The following UPF3A variants were observed in gnomAD, a reference collection of about 807,000 sequenced individuals.
UPF3A encodes regulator of nonsense transcripts 3A.
UPF3A carries 42 observed loss-of-function variants against 53.5 expected under a neutral mutation model. The observed-to-expected ratio is 0.78, with a 90% CI of 0.61 to 1.01. The LOEUF (loss-of-function observed/expected upper bound fraction) is 1.01. UPF3A is among the 50% of genes least tolerant of loss of function. The pLI is 0.00. For missense variants in UPF3A, 575 were observed against 598.0 expected, an observed-to-expected ratio of 0.96 and a Z score of 0.40; for synonymous variants, 237 against 225.3, an observed-to-expected ratio of 1.05 and a Z score of -0.47.
chr13:114,282,032 C>G lies in UPF3A; in HGVS notation c.219C>G (p.Arg73=), dbSNP rs1255750942. The change falls in exon 2 of 10, where the codon CGC becomes CGG. Residue 73 remains arginine, a synonymous_variant. Coordinates refer to ENST00000375299, the MANE Select transcript of UPF3A (RefSeq NM_023011.4). ...CGCGCTCCCCGCAGGTGGTCATCCG[C>G]CGCCTGCCTCCGGGCCTCACCAAGG... The part of the protein sequence containing the change: ...KRTALSKVVI[R]RLPPGLTKEQ... 6.4e-7 allele frequency: 1 copy of G among 1,558,854 alleles called. No homozygotes were observed. Among genetic ancestry groups the G allele is most frequent in the Non-Finnish European group, 8.7e-7 (1 of 1,153,856 alleles).
chr13:114,295,229 G>A (rs567526246), intron 7 of UPF3A, among the ~76,000 whole-genome samples: 1 of 152,308 alleles, frequency 6.6e-6, no homozygotes, highest in South Asian at 2.1e-4. Flanking sequence ...ACACACACAG[G>A]CGAGGGCTGG....
intron 7 of UPF3A, among the ~76,000 whole-genome samples, chr13:114,297,823 C>T (rs1291741343): frequency 2.6e-5 from 4 of 151,874 alleles, no homozygotes; most frequent in Non-Finnish European, 4.4e-5. Flanking sequence ...AGTGAGACGT[C>T]GTCTCAAAAA....
intron 7 of UPF3A, among the ~76,000 whole-genome samples, chr13:114,294,450 G>T (rs2085634999): frequency 6.6e-6 from 1 of 152,096 alleles, no homozygotes; most frequent in African/African-American, 2.4e-5. Context: ...ATTTGTAGAA[G>T]TGGGGGTCTC....
intron 7 of UPF3A, 107 bp downstream of exon 7, chr13:114,291,899 C>T: frequency 1.5e-6 from 2 of 1,326,356 alleles, no homozygotes; most frequent in East Asian, 2.3e-5. Flanking sequence ...CTGAATTAAT[C>T]TAATATTGTG....
intron 9 of UPF3A, among the ~76,000 whole-genome samples, chr13:114,304,230 C>T (rs562639495): frequency 6.6e-6 from 1 of 152,378 alleles, no homozygotes; most frequent in African/African-American, 2.4e-5. Context: ...CTGACACTAG[C>T]CTTCAGGGCC....
At chr13:114,288,309 CAA>C (rs962223040) in intron 5 of UPF3A, among the ~76,000 whole-genome samples, 1 of 152,090 alleles carries the variant, frequency 6.6e-6, no homozygotes, top group African/African-American at 2.4e-5. Flanking sequence ...ACTGATGTGA[CAA>C]AGTGGAATAT....
At chr13:114,294,217 C>T (rs1175247308) in intron 7 of UPF3A, among the ~76,000 whole-genome samples, 1 of 150,956 alleles carries the variant, frequency 6.6e-6, no homozygotes, top group Non-Finnish European at 1.5e-5. Context: ...GTATCAACAG[C>T]TTAAAGAAAG....
At chr13:114,286,949 T>C (rs1465873910) in intron 5 of UPF3A, 1 of 239,004 alleles carries the variant, frequency 4.2e-6, no homozygotes, top group Non-Finnish European at 8.2e-6. Context: ...TGTCACATAG[T>C]TGAAGTCAGT....
chr13:114,304,184 G>A (rs1019038896), intron 9 of UPF3A, among the ~76,000 whole-genome samples: 1 of 152,238 alleles, frequency 6.6e-6, no homozygotes, highest in East Asian at 1.9e-4. Flanking sequence ...GGCAGGGCTG[G>A]TGGCCCCATC....
chr13:114,300,491 C>T (rs2086492238), intron 8 of UPF3A, among the ~76,000 whole-genome samples: 1 of 152,144 alleles, frequency 6.6e-6, no homozygotes, highest in African/African-American at 2.4e-5. Context: ...GCTTCAGCCT[C>T]CCAAGTAGCT....
chr13:114,299,150 C>G, intron 8 of UPF3A, 150 bp downstream of exon 8: 2 of 747,842 alleles, frequency 2.7e-6, no homozygotes, highest in Non-Finnish European at 1.9e-6. Flanking sequence ...TTCCCATCAG[C>G]ATGGCAGGAA....
At chr13:114,290,976 C>CT (rs1259085838) in intron 5 of UPF3A, among the ~76,000 whole-genome samples, 1 of 151,890 alleles carries the variant, frequency 6.6e-6, no homozygotes, top group African/African-American at 2.4e-5. Context: ...CTAAGGTGAT[C>CT]TGCCCGCCTT....
intron 3 of UPF3A, chr13:114,285,073 T>G (rs1237870156): frequency 1.3e-5 from 2 of 152,258 alleles, no homozygotes; most frequent in Non-Finnish European, 2.9e-5. Flanking sequence ...GTTTCAGGTC[T>G]TATATTTAGG....
chr13:114,291,376 A>C, intron 5 of UPF3A, 113 bp from the exon 6 acceptor site: 1 of 1,065,710 alleles, frequency 9.4e-7, no homozygotes, highest in Non-Finnish European at 1.3e-6. Context: ...GTGTAAATTT[A>C]AAAAGTAATG....
At position 114,281,819 on chromosome 13, in the gene UPF3A, CGAG is replaced by C. The variant is rs749594472; in HGVS notation, c.184_186del (p.Glu62del). ...GCGGGGGCGGTGCGGGCAAACCTCG[CGAG>C]GAGAAGAGGACGGCCCTGAGCAAGG... On this transcript the variant is annotated inframe_deletion, in exon 1 of 10. Coordinates refer to ENST00000375299, the MANE Select transcript of UPF3A (RefSeq NM_023011.4). 4.9e-5 allele frequency: 76 copies of C among 1,542,768 alleles called. No individual in the cohort carries two copies. Among genetic ancestry groups the C allele is most frequent in the Non-Finnish European group, 6.4e-5 (73 of 1,143,388 alleles).
chr13:114,294,700 C>T (rs1243265038), intron 7 of UPF3A, among the ~76,000 whole-genome samples: 3 of 151,640 alleles, frequency 2.0e-5, no homozygotes, highest in African/African-American at 4.9e-5. Flanking sequence ...TGGCACACGC[C>T]TGTAGTCCCA....
intron 9 of UPF3A, among the ~76,000 whole-genome samples, chr13:114,302,430 A>G (rs1253107686): frequency 1.3e-5 from 2 of 152,180 alleles, no homozygotes; most frequent in African/African-American, 4.8e-5. Flanking sequence ...ATCTGCACGG[A>G]CGGTGAGCAC....
At position 114,282,076 on chromosome 13, in the gene UPF3A, T is replaced by C. The variant is rs1376834586; in HGVS notation, c.263T>C (p.Leu88Pro). 5.7e-6 allele frequency: 9 copies of C among 1,580,330 alleles called. No individual in the cohort carries two copies. The highest frequency in any genetic ancestry group is 7.7e-6 in the Non-Finnish European group (9 of 1,164,352). The stretch of plus-strand genomic sequence containing the variant: ...ACCAAGGAGCAGCTGGAGGAGCAGC[T>C]GCGCCCGCTGCCAGCACACGACTAC... The part of the protein sequence containing the change: ...GLTKEQLEEQ[L>P]RPLPAHDYFE... Residue 88 changes from leucine to proline, a missense_variant, in exon 2 of 10, where the codon CTG becomes CCG. Transcript: ENST00000375299.
chr13:114,295,372 G>C (rs9525315), intron 7 of UPF3A, among the ~76,000 whole-genome samples: 7,788 of 67,240 alleles, frequency 0.12, 223 homozygotes, highest in Middle Eastern at 0.16. Context: ...CGGCTCTGGC[G>C]TGCTCCCCAG....
Sources: allele counts gnomAD v4.1 joint callset (sites outside exome capture counted in the v4.1 genomes callset), GRCh38; gene constraint gnomAD v4.1.1; transcripts MANE v1.5; gene names NCBI Gene and HGNC (gene_info 2026-07-23, HGNC 2026-07-21).